CCAR1: variants seen among roughly 807,000 people sequenced by gnomAD.
CCAR1 encodes cell division cycle and apoptosis regulator 1.
Under a neutral mutation model 163.8 loss-of-function variants are expected in CCAR1, and 78 were observed. The observed-to-expected ratio is 0.48, with a 90% CI of 0.40 to 0.57. CCAR1 has a LOEUF of 0.57. Ranked by LOEUF, CCAR1 falls within the 20% of genes least tolerant of loss-of-function variation. The pLI is 0.00. For synonymous variants in CCAR1, 443 were observed against 460.7 expected, an observed-to-expected ratio of 0.96 and a Z score of 0.49; for missense variants, 1,019 against 1,365.2, an observed-to-expected ratio of 0.75 and a Z score of 4.00.
intron 11 of CCAR1, 34 bp from the exon 12 acceptor site, chr10:68,754,680 C>T (rs534166981): frequency 8.8e-7 from 1 of 1,130,016 alleles, no homozygotes; most frequent in Admixed American, 1.9e-5. Flanking sequence ...TTACTTTAGA[C>T]TTTTGACAGG....
chr10:68,787,754 G>C (rs970938054), intron 21 of CCAR1, 173 bp from the exon 22 acceptor site: 2 of 525,894 alleles, frequency 3.8e-6, no homozygotes, highest in African/African-American at 4.0e-5. Flanking sequence ...AGAATCGCTT[G>C]AACCTGGGAA....
intron 8 of CCAR1, 33 bp downstream of exon 8, chr10:68,747,599 A>T: frequency 1.3e-6 from 2 of 1,571,716 alleles, no homozygotes; most frequent in Non-Finnish European, 1.7e-6. Context: ...CAAATGTATA[A>T]CTTTTTAGTT....
intron 6 of CCAR1, 115 bp downstream of exon 6, chr10:68,742,684 C>A: frequency 2.5e-6 from 2 of 795,364 alleles, no homozygotes; most frequent in East Asian, 2.5e-5. Context: ...AATCTCAAGT[C>A]GACTCACTGC....
Position 68,747,493 on chromosome 10 carries a change from G to A in CCAR1, c.753G>A (p.Gln251=), listed in dbSNP as rs758152383. ...AGCCCCAGTCACTGCTGCAGGCACAGATTTCAGCAGCTTCTATTACACCAC... is the reference window on the plus strand; with the variant it reads ...AGCCCCAGTCACTGCTGCAGGCACAAATTTCAGCAGCTTCTATTACACCAC... The part of the protein sequence containing the change: ...QPQPQSLLQA[Q]ISAASITPLL... Residue 251 remains glutamine, a synonymous_variant, in exon 8 of 25, where the codon CAG becomes CAA. Transcript: ENST00000265872. 13 of 1,614,070 alleles carry A rather than the reference G, an allele frequency of 8.1e-6. No individual in the cohort carries two copies. The South Asian group carries it at 1.2e-4, about 15-fold the overall frequency.
rs891461216 is a variant in CCAR1, at chr10:68,791,444, C to T, written c.*178C>T. ...TGCTTTTGAAAATTGCTTGTAATTC[C>T]TAGCCTTCAAATTATTAAACACTCC... On this transcript the variant is annotated 3_prime_UTR_variant, in exon 25 of 25. Coordinates refer to ENST00000265872, the MANE Select transcript of CCAR1 (RefSeq NM_018237.4). 6.7e-6 allele frequency: 3 copies of T among 445,222 alleles called. No individual in the cohort carries two copies. The highest frequency in any genetic ancestry group is 3.8e-5 in the East Asian group (1 of 26,212). 27.6% of individuals were successfully genotyped at this position (445,222 alleles called of 1,614,324 possible).
At chr10:68,758,643 A>G (rs370893109) in intron 15 of CCAR1, among the ~76,000 whole-genome samples, 167 of 16,458 alleles carry the variant, frequency 0.01, 1 homozygote, top group Admixed American at 5.5e-3. Flanking sequence ...ATATATACAC[A>G]CGTGTATATA....
intron 16 of CCAR1, among the ~76,000 whole-genome samples, chr10:68,764,601 C>T (rs2056514629): frequency 6.6e-6 from 1 of 151,900 alleles, no homozygotes. Context: ...AGATCTTTTC[C>T]ATCTTCCATC....
At chr10:68,748,677 A>G (rs1299011497) in intron 8 of CCAR1, among the ~76,000 whole-genome samples, 1 of 151,784 alleles carries the variant, frequency 6.6e-6, no homozygotes, top group East Asian at 1.9e-4. Flanking sequence ...TTTTGTAGAG[A>G]CAGGGTTTCA....
At position 68,744,261 on chromosome 10, in the gene CCAR1, TGG is replaced by T. The variant is rs1198876863; in HGVS notation, c.518+1695_518+1696del. Among the ~76,000 whole-genome samples the T allele has an allele frequency of 2.6e-5, 4 of 152,104 alleles. No homozygotes were observed. In the East Asian group the frequency reaches 7.7e-4, roughly 29 times the overall value. On this transcript the variant is annotated intron_variant, in intron 6 of 24. Transcript: ENST00000265872. ...ATTTCTGGGTAAACATAACTGTGAG[TGG>T]GGTGTTGAAATCTAATTTTGAAATC...
At position 68,756,769 on chromosome 10, in the gene CCAR1, CAGTTGTTGAACA is replaced by C; in HGVS notation, c.1836+289_1836+300del. 1 of 458,236 alleles carries C rather than the reference CAGTTGTTGAACA, an allele frequency of 2.2e-6. No homozygotes were observed. The highest frequency in any genetic ancestry group is 4.0e-6 in the Non-Finnish European group (1 of 249,550). The allele number at this position is 458,236 out of a possible 1,614,324, so 28.4% of individuals were successfully genotyped here. A position where few individuals can be genotyped will look rare whatever the true frequency, so the allele number is the denominator to read the frequency against. On this transcript the variant is annotated intron_variant, in intron 14 of 24. Transcript: ENST00000265872. The surrounding 1 kb of genome is among the most constrained non-coding windows in gnomAD (Gnocchi z 5.1). ...AGGTCTAGTTGCTGGAATCTGGGAC[CAGTTGTTGAACA>C]AGATTCAGTATTAAGCCATTTTAAA...
intron 12 of CCAR1, chr10:68,755,104 T>C: frequency 3.0e-6 from 2 of 677,720 alleles, no homozygotes; most frequent in South Asian, 3.2e-5. Flanking sequence ...TCTTTGGATG[T>C]TGTTGAAGTT....
At chr10:68,745,519 A>C (rs2056241511) in intron 6 of CCAR1, among the ~76,000 whole-genome samples, 1 of 150,424 alleles carries the variant, frequency 6.6e-6, no homozygotes, top group East Asian at 2.0e-4. Context: ...GTTGGAGTGC[A>C]ATGGCATGAT....
Position 68,765,887 on chromosome 10 carries a change from G to A in CCAR1, c.2107-1G>A. 6.2e-7 allele frequency: 1 copy of A among 1,609,048 alleles called. No individual in the cohort carries two copies. Among genetic ancestry groups the A allele is most frequent in the Non-Finnish European group, 8.5e-7 (1 of 1,177,148 alleles). On this transcript the variant is annotated splice_acceptor_variant, in intron 16 of 24. Coordinates refer to ENST00000265872, the MANE Select transcript of CCAR1 (RefSeq NM_018237.4). LOFTEE classifies it high-confidence loss of function. ...CTTGACTTGAAATTTGAAATATTTA[G>A]GAAGAAGAAAGGAAACGTCAAGAGG...
chr10:68,762,665 G>A (rs2056488189), intron 16 of CCAR1, among the ~76,000 whole-genome samples: 3 of 152,154 alleles, frequency 2.0e-5, no homozygotes, highest in Admixed American at 6.5e-5. Flanking sequence ...CATTATTTAT[G>A]AAGAATTACT....
intron 8 of CCAR1, among the ~76,000 whole-genome samples, chr10:68,748,371 G>A (rs993506838): frequency 5.9e-5 from 9 of 151,806 alleles, no homozygotes; most frequent in Non-Finnish European, 1.2e-4. Flanking sequence ...TCGCACTTCA[G>A]TCTGGGCGAT....
chr10:68,789,329 C>T (rs1245522771), intron 23 of CCAR1, among the ~76,000 whole-genome samples: 3 of 151,774 alleles, frequency 2.0e-5, no homozygotes, highest in African/African-American at 7.3e-5. Flanking sequence ...TGGTGGCTCC[C>T]GCCTGTAATC....
chr10:68,753,274 A>G (rs2056357890), intron 10 of CCAR1, among the ~76,000 whole-genome samples: 1 of 152,192 alleles, frequency 6.6e-6, no homozygotes, highest in African/African-American at 2.4e-5. Flanking sequence ...CATAATAATC[A>G]GGTATGGATC....
intron 15 of CCAR1, among the ~76,000 whole-genome samples, chr10:68,758,820 G>C (rs2056433358): frequency 6.6e-6 from 1 of 151,502 alleles, no homozygotes; most frequent in Non-Finnish European, 1.5e-5. Context: ...CTACAGGCCT[G>C]TGCCACCATG....
At chr10:68,784,448 A>C (rs745531490) in intron 19 of CCAR1, among the ~76,000 whole-genome samples, 3 of 151,862 alleles carry the variant, frequency 2.0e-5, no homozygotes, top group Non-Finnish European at 4.4e-5. Context: ...CCTGACCTTA[A>C]GTGATCCATC....
Sources: gnomAD v4.1 joint callset for allele counts (sites outside exome capture counted in the v4.1 genomes callset) on GRCh38, gnomAD v4.1.1 for gene constraint, Gnocchi (gnomAD v3.1) non-coding constraint, MANE v1.5 for transcripts, NCBI Gene and HGNC (gene_info 2026-07-23, HGNC 2026-07-21) for gene names.